KCNMB3: variants seen among roughly 807,000 people sequenced by gnomAD.
The protein encoded by KCNMB3 is calcium-activated potassium channel subunit beta-3.
Under a neutral mutation model 11.9 loss-of-function variants are expected in KCNMB3, and 18 were observed. The ratio of observed to expected loss-of-function variants is 1.51; its 90% CI spans 1.04 to 2.23. The LOEUF is 2.23. Among genes scored for constraint, KCNMB3 ranks in the 30% most tolerant of loss-of-function variants. The pLI is 0.00. For synonymous variants in KCNMB3, 78 were observed against 119.2 expected (o/e 0.65, Z 2.25); for missense variants, 247 against 329.4 (o/e 0.75, Z 1.94).
chr3:179,259,732 T>C, intron 1 of KCNMB3: 1 of 1,594,598 alleles, frequency 6.3e-7, no homozygotes, highest in Non-Finnish European at 8.5e-7. Flanking sequence ...TTCTTTTTCT[T>C]GTTCTTTCTC....
chr3:179,242,910 TTTCTC>T lies in KCNMB3; in HGVS notation c.817_821del (p.Glu273IlefsTer8), dbSNP rs1156614968. On this transcript the variant is annotated frameshift_variant, in exon 3 of 3. Transcript: ENST00000392685. LOFTEE classifies it high-confidence loss of function. ...CTTTAATTTGGCCACCGTCTTAAGA[TTTCTC>T]TGCTCTTCCTTTGCTCCTCCTCATA... 1 of 1,593,328 alleles carries T rather than the reference TTTCTC, an allele frequency of 6.3e-7. No homozygotes were observed. Among genetic ancestry groups the T allele is most frequent in the Admixed American group, 1.7e-5 (1 of 57,778 alleles).
intron 1 of KCNMB3, chr3:179,266,573 C>A: frequency 6.4e-7 from 1 of 1,554,552 alleles, no homozygotes; most frequent in South Asian, 1.1e-5. Context: ...TCCCCAAGCT[C>A]GAGATGTCCC....
intron 1 of KCNMB3, among the ~76,000 whole-genome samples, chr3:179,263,790 TTTTTC>T (rs1398266695): frequency 7.0e-6 from 1 of 143,868 alleles, no homozygotes; most frequent in African/African-American, 2.6e-5. Flanking sequence ...TTTGTTTTTC[TTTTTC>T]TTTTCTTTTT....
At chr3:179,266,635 C>A (rs763241279) in intron 1 of KCNMB3, 5 of 1,613,796 alleles carry the variant, frequency 3.1e-6, no homozygotes, top group Non-Finnish European at 4.2e-6. Context: ...GCAGAGCTTC[C>A]GGAAGTGACT....
At chr3:179,264,151 AT>A (rs1437572254) in intron 1 of KCNMB3, among the ~76,000 whole-genome samples, 2 of 151,984 alleles carry the variant, frequency 1.3e-5, no homozygotes, top group South Asian at 2.1e-4. Context: ...ATGATTTGAG[AT>A]TTTTTTGTTA....
chr3:179,260,623 T>C, intron 1 of KCNMB3: 3 of 1,383,768 alleles, frequency 2.2e-6, no homozygotes, highest in South Asian at 1.2e-5. Flanking sequence ...GATCTTGGTA[T>C]CAAACATTAC....
intron 1 of KCNMB3, among the ~76,000 whole-genome samples, chr3:179,249,102 T>C (rs1725745968): frequency 1.5e-5 from 2 of 135,936 alleles, no homozygotes; most frequent in Admixed American, 1.6e-4. Flanking sequence ...AAGCTCCACC[T>C]CCTGGGTTCA....
At chr3:179,240,015 G>C, downstream of KCNMB3, 1 of 1,546,750 alleles carries the variant, frequency 6.5e-7, no homozygotes, top group South Asian at 1.2e-5. Flanking sequence ...ATGCTCATCA[G>C]AAACTGTCAA....
chr3:179,251,738 T>G (rs1249122394), upstream of KCNMB3: 8 of 937,758 alleles, frequency 8.5e-6, no homozygotes, highest in Admixed American at 8.2e-5. Flanking sequence ...TGTTTTTTGG[T>G]TTTTTTTGAG....
chr3:179,241,908 C>T (rs568185076), downstream of KCNMB3: 19 of 154,302 alleles, frequency 1.2e-4, no homozygotes, highest in South Asian at 2.9e-3. Flanking sequence ...TCCAGTATAG[C>T]TTCTTCATAT....
At chr3:179,261,147 T>G in intron 1 of KCNMB3, 4 of 1,335,152 alleles carry the variant, frequency 3.0e-6, no homozygotes, top group Non-Finnish European at 4.2e-6. Flanking sequence ...TCCAGCTCCT[T>G]CATGGGGATC....
chr3:179,261,276 T>A, intron 1 of KCNMB3: 1 of 1,292,202 alleles, frequency 7.7e-7, no homozygotes, highest in Non-Finnish European at 9.9e-7. Context: ...CTGGTCAACC[T>A]GCTGGGCTCG....
rs139744885 is a variant in KCNMB3, at chr3:179,257,378, A to G, written c.63-6444T>C. ...TCTTGTAACAGTAATATGAATCTAC[A>G]TAATTTCATAAAATGTCAACATTCA... On this transcript the variant is annotated intron_variant, in intron 1 of 3. Transcript: ENST00000349697. 3.1e-3 allele frequency among the ~76,000 whole-genome samples: 479 copies of G among 152,344 alleles called. 1 individual carries two copies. The highest frequency in any genetic ancestry group is 0.011 in the African/African-American group (447 of 41,580).
Position 179,250,829 on chromosome 3 carries a change from G to A in KCNMB3, c.162C>T (p.Ala54=), listed in dbSNP as rs201395729. Residue 54 remains alanine, a synonymous_variant, in exon 1 of 3, where the codon GCC becomes GCT. Transcript: ENST00000392685. ...CCATCATGGCAAACCCCAGCATCACGGCTCGGTCCTCTCCAGCACTGGATG... is the reference window on the plus strand; with the variant it reads ...CCATCATGGCAAACCCCAGCATCACAGCTCGGTCCTCTCCAGCACTGGATG... ...RLPSSAGEDR[A]VMLGFAMMGF... is the part of the protein sequence containing the mutation. 100 of 1,614,114 alleles carry A rather than the reference G, an allele frequency of 6.2e-5. No homozygotes were observed. Among genetic ancestry groups the A allele is most frequent in the East Asian group, 1.6e-4 (7 of 44,884 alleles).
At chr3:179,259,874 T>C in intron 1 of KCNMB3, 1 of 1,613,452 alleles carries the variant, frequency 6.2e-7, no homozygotes, top group Non-Finnish European at 8.5e-7. Context: ...TCTCAGTTCC[T>C]GCTGGAGAAC....
chr3:179,262,257 T>C (rs779409857), intron 1 of KCNMB3, among the ~76,000 whole-genome samples: 9 of 152,246 alleles, frequency 5.9e-5, no homozygotes, highest in Non-Finnish European at 1.0e-4. Flanking sequence ...TATATATTAT[T>C]CTCAAGCATG....
At position 179,248,999 on chromosome 3, in the gene KCNMB3, C is replaced by A. The variant is rs1424169583; in HGVS notation, c.248+1744G>T. Among the ~76,000 whole-genome samples, 3 of 149,146 alleles carry A rather than the reference C, an allele frequency of 2.0e-5. 1 individual carries two copies. The highest frequency in any genetic ancestry group is 7.4e-5 in the African/African-American group (3 of 40,368). ...TGCACTCCAGTGTCACAGAGCAAGA[C>A]CCCGTCTCTTTTTTTTTTTTTTTTT... On this transcript the variant is annotated intron_variant, in intron 1 of 2. Coordinates refer to ENST00000392685, the MANE Select transcript of KCNMB3 (RefSeq NM_171830.2).
upstream of KCNMB3, among the ~76,000 whole-genome samples, chr3:179,255,957 T>C (rs575027003): frequency 6.6e-6 from 1 of 152,284 alleles, no homozygotes; most frequent in South Asian, 2.1e-4. Context: ...AAAAAAATCC[T>C]CTCAATGAAT....
intron 1 of KCNMB3, chr3:179,261,321 G>A (rs1333467521): frequency 3.3e-6 from 4 of 1,212,662 alleles, no homozygotes; most frequent in African/African-American, 1.6e-5. Context: ...CTCGGGGACC[G>A]TGCCGGAGCC....
Sources: gnomAD v4.1 joint callset for allele counts (sites outside exome capture counted in the v4.1 genomes callset) on GRCh38, gnomAD v4.1.1 for gene constraint, MANE v1.5 for transcripts, NCBI Gene and HGNC (gene_info 2026-07-23, HGNC 2026-07-21) for gene names.